CNNM4: variants seen among roughly 807,000 people sequenced by gnomAD.
CNNM4 encodes cyclin and CBS domain divalent metal cation transport mediator 4.
In CNNM4, 32 loss-of-function variants were observed where a neutral mutation model predicts 53.7. That is an observed-to-expected ratio of 0.60 (90% CI 0.45 to 0.80). The LOEUF (loss-of-function observed/expected upper bound fraction) is 0.80. Among genes scored for constraint, CNNM4 ranks in the 30% least tolerant of loss-of-function variants. The pLI is 0.00. For missense variants in CNNM4, 784 were observed against 1,022.0 expected (o/e 0.77, Z 3.17); for synonymous variants, 410 against 440.0 (o/e 0.93, Z 0.85).
chr2:96,778,627 T>A (rs940037735), intron 1 of CNNM4, among the ~76,000 whole-genome samples: 15 of 151,300 alleles, frequency 9.9e-5, no homozygotes, highest in South Asian at 8.4e-4. Context: ...GCCTTAAAAA[T>A]TTTTTTTTAT....
intron 1 of CNNM4, among the ~76,000 whole-genome samples, chr2:96,773,264 A>T (rs994430): frequency 0.45 from 69,165 of 152,128 alleles, 17,080 homozygotes; most frequent in African/African-American, 0.65. Context: ...TCCACATTGA[A>T]GACTGTGTCC....
At chr2:96,799,418 C>A in intron 4 of CNNM4, 134 bp from the exon 5 acceptor site, 2 of 1,098,678 alleles carry the variant, frequency 1.8e-6, no homozygotes, top group Non-Finnish European at 1.4e-6. Context: ...ACAGGTCAGG[C>A]CCCTGAGCTC....
intron 1 of CNNM4, among the ~76,000 whole-genome samples, chr2:96,769,157 A>G (rs1433116093): frequency 1.3e-5 from 2 of 152,110 alleles, no homozygotes; most frequent in Admixed American, 1.3e-4. Context: ...AGGCTGAGGC[A>G]GGAGAATGGT....
chr2:96,807,479 T>A (rs1051177729), intron 5 of CNNM4, among the ~76,000 whole-genome samples: 13 of 151,468 alleles, frequency 8.6e-5, no homozygotes, highest in Non-Finnish European at 1.3e-4. Context: ...AAAAAAAAAA[T>A]TAGCTAGGCA....
chr2:96,796,965 A>C (rs1347149184), intron 1 of CNNM4, 47 bp from the exon 2 acceptor site: 1 of 1,606,072 alleles, frequency 6.2e-7, no homozygotes, highest in Admixed American at 1.7e-5. Context: ...AGGGAGTCTC[A>C]TGACTGGCCT....
chr2:96,775,510 T>A (rs2078916491), intron 1 of CNNM4, among the ~76,000 whole-genome samples: 1 of 152,208 alleles, frequency 6.6e-6, no homozygotes, highest in Non-Finnish European at 1.5e-5. Context: ...AACACTCTTG[T>A]GCATGTCTCT....
In CNNM4 at chr2:96,803,291, G is replaced by A. The variant is rs554056754; in HGVS notation, c.1948+3643G>A. Among the ~76,000 whole-genome samples, 10 of 152,100 alleles carry A rather than the reference G, an allele frequency of 6.6e-5. No individual in the cohort carries two copies. The South Asian group carries it at 1.9e-3, about 28-fold the overall frequency. ...CTCATTGATTAATTCTCCACTTTAC[G>A]CTTTATGCATATTCATGGGGGTCTT... On this transcript the variant is annotated intron_variant, in intron 5 of 6. Coordinates refer to ENST00000377075, the MANE Select transcript of CNNM4 (RefSeq NM_020184.4).
intron 1 of CNNM4, among the ~76,000 whole-genome samples, chr2:96,776,294 C>T (rs2078923994): frequency 6.6e-6 from 1 of 152,082 alleles, no homozygotes; most frequent in Non-Finnish European, 1.5e-5. Context: ...TCCGAAAGTG[C>T]TGGGATTACA....
chr2:96,792,668 G>A lies in CNNM4; in HGVS notation c.1403-4344G>A, dbSNP rs563341442. Among the ~76,000 whole-genome samples, 411 of 152,242 alleles carry A rather than the reference G, an allele frequency of 2.7e-3. 2 individuals are homozygous for A. The highest frequency in any genetic ancestry group is 9.6e-3 in the African/African-American group (399 of 41,548). On this transcript the variant is annotated intron_variant, in intron 1 of 6. Transcript: ENST00000377075. ...AAATACAAAAAATTAGCTGGGTGTG[G>A]TGGCGGGCGCCTGTAATCCCAGCTA...
At chr2:96,763,522 T>C (rs901785504) in intron 1 of CNNM4, among the ~76,000 whole-genome samples, 1 of 152,208 alleles carries the variant, frequency 6.6e-6, no homozygotes, top group African/African-American at 2.4e-5. Context: ...GCTCCCAGCC[T>C]TCATTCCCAT....
rs1435833388 is a variant in CNNM4 at position 96,761,456 on chromosome 2, C to A, written c.457C>A (p.Arg153=). 6.2e-7 allele frequency: 1 copy of A among 1,614,132 alleles called. No homozygotes were observed. Among genetic ancestry groups the A allele is most frequent in the Admixed American group, 1.7e-5 (1 of 60,036 alleles). ...ESMKLYALCT[R]AQPDGPWLKW... Reference sequence around the variant, plus strand: ...CATGAAGCTGTATGCACTGTGCACCCGGGCCCAGCCCGACGGGCCCTGGCT... The same window carrying A: ...CATGAAGCTGTATGCACTGTGCACCAGGGCCCAGCCCGACGGGCCCTGGCT... The change falls in exon 1 of 7, where the codon CGG becomes AGG. Residue 153 remains arginine, a synonymous_variant. Transcript: ENST00000377075. The surrounding 1 kb of genome is among the most constrained non-coding windows in gnomAD (Gnocchi z 6.0).
chr2:96,782,136 T>C (rs759082772), intron 1 of CNNM4, among the ~76,000 whole-genome samples: 2 of 152,222 alleles, frequency 1.3e-5, no homozygotes, highest in African/African-American at 4.8e-5. Context: ...TTTGCCAATA[T>C]CTTTATTTAG....
intron 1 of CNNM4, among the ~76,000 whole-genome samples, chr2:96,796,015 T>C (rs1480369181): frequency 2.0e-5 from 3 of 151,666 alleles, no homozygotes; most frequent in Non-Finnish European, 1.5e-5. Context: ...CCCTCTCTAA[T>C]TGTAGTCTCT....
chr2:96,809,101 T>A, intron 6 of CNNM4: 1 of 1,018,262 alleles, frequency 9.8e-7, no homozygotes, highest in Non-Finnish European at 1.4e-6. Flanking sequence ...CTCAGCCTCC[T>A]GAAGTGCTGG....
In CNNM4 at chr2:96,799,025, C is replaced by T. The variant is rs772822325; in HGVS notation, c.1682-32C>T. 3.1e-6 allele frequency: 5 copies of T among 1,611,672 alleles called. No individual in the cohort carries two copies. In the African/African-American group the frequency reaches 4.0e-5, roughly 13 times the overall value. On this transcript the variant is annotated intron_variant, in intron 3 of 6. Transcript: ENST00000377075. ...GAGCTTTAGGGCCACCTGGCCAGCCCCGTGTGAGGTCTCTTCTCTCTCCTC... is the reference window on the plus strand; with the variant it reads ...GAGCTTTAGGGCCACCTGGCCAGCCTCGTGTGAGGTCTCTTCTCTCTCCTC...
In CNNM4 at chr2:96,781,077, C is replaced by T. The variant is rs542193512; in HGVS notation, c.1403-15935C>T. 1.9e-3 allele frequency among the ~76,000 whole-genome samples: 279 copies of T among 144,270 alleles called. 1 individual carries two copies. Among genetic ancestry groups the T allele is most frequent in the African/African-American group, 6.7e-3 (258 of 38,478 alleles). 94.6% of individuals were successfully genotyped at this position (144,270 alleles called of 152,430 possible). On this transcript the variant is annotated intron_variant, in intron 1 of 6. Coordinates refer to ENST00000377075, the MANE Select transcript of CNNM4 (RefSeq NM_020184.4). The stretch of plus-strand genomic sequence containing the variant: ...CACTGCAAGCTCCGCCTCCCGGGTT[C>T]ACGCCATTCTCCTGCCTCAGCCTCC...
intron 1 of CNNM4, among the ~76,000 whole-genome samples, chr2:96,789,142 A>G (rs1306418757): frequency 1.3e-5 from 2 of 152,074 alleles, no homozygotes. Flanking sequence ...GAGCGAGGGC[A>G]CTACTCAGGC....
In CNNM4 at chr2:96,797,831, T is replaced by G. The variant is rs1055148450; in HGVS notation, c.1681+184T>G. ...CCCCTGGGGATCTCCCTGCGATTCATTTGCCATTAATGGGCGGCTACTGCA... is the reference window on the plus strand; with the variant it reads ...CCCCTGGGGATCTCCCTGCGATTCAGTTGCCATTAATGGGCGGCTACTGCA... On this transcript the variant is annotated intron_variant, in intron 3 of 6. Coordinates refer to ENST00000377075, the MANE Select transcript of CNNM4 (RefSeq NM_020184.4). This position sits in a 1 kb window ranked among gnomAD's most constrained non-coding sequence, Gnocchi z 6.0. Among the ~76,000 whole-genome samples, 2 of 152,182 alleles carry G rather than the reference T, an allele frequency of 1.3e-5. No homozygotes were observed. Among genetic ancestry groups the G allele is most frequent in the Non-Finnish European group, 2.9e-5 (2 of 68,036 alleles).
chr2:96,792,545 G>C (rs2079071093), intron 1 of CNNM4, among the ~76,000 whole-genome samples: 1 of 152,070 alleles, frequency 6.6e-6, no homozygotes, highest in African/African-American at 2.4e-5. Context: ...GCTCACACCT[G>C]TAATCCCAGC....
Sources: gnomAD v4.1 joint callset for allele counts (sites outside exome capture counted in the v4.1 genomes callset) on GRCh38, gnomAD v4.1.1 for gene constraint, Gnocchi (gnomAD v3.1) non-coding constraint, MANE v1.5 for transcripts, NCBI Gene and HGNC (gene_info 2026-07-23, HGNC 2026-07-21) for gene names.